SENP8: variants seen among roughly 807,000 people sequenced by gnomAD.
SENP8 encodes SUMO peptidase family member, NEDD8 specific.
Under a neutral mutation model 14.4 loss-of-function variants are expected in SENP8, and 10 were observed. The ratio of observed to expected loss-of-function variants is 0.69; its 90% confidence interval spans 0.43 to 1.18. The LOEUF (loss-of-function observed/expected upper bound fraction) is 1.18, where lower values mean the gene tolerates loss of function less well. Ranked by LOEUF, SENP8 falls within the 50% of genes most tolerant of loss-of-function variation. The probability of loss-of-function intolerance (pLI) is 0.00; values close to 1 mark genes in which losing one functional copy is unlikely to be tolerated. For missense variants in SENP8, 202 were observed against 249.4 expected (o/e 0.81, Z 1.28); for synonymous variants, 94 against 95.5 (o/e 0.98, Z 0.09).
intron 1 of SENP8, among the ~76,000 whole-genome samples, chr15:72,132,229 C>G (rs2081279696): frequency 6.6e-6 from 1 of 152,112 alleles, no homozygotes; most frequent in Non-Finnish European, 1.5e-5. Flanking sequence ...GTTGACTCAC[C>G]TTTCTTGCCC....
intron 1 of SENP8, among the ~76,000 whole-genome samples, chr15:72,119,391 A>G (rs1363544157): frequency 1.3e-5 from 2 of 152,240 alleles, no homozygotes; most frequent in East Asian, 3.8e-4. Context: ...CTCTAATGCT[A>G]AAGATTGAGA....
At chr15:72,116,555 A>AC (rs1208599177), upstream of SENP8, among the ~76,000 whole-genome samples, 1 of 152,156 alleles carries the variant, frequency 6.6e-6, no homozygotes, top group Non-Finnish European at 1.5e-5. Flanking sequence ...TTATTATTAA[A>AC]CCGACATCGA....
At chr15:72,138,240 GT>G (rs1340605986) in intron 1 of SENP8, among the ~76,000 whole-genome samples, 1 of 151,794 alleles carries the variant, frequency 6.6e-6, no homozygotes, top group African/African-American at 2.4e-5. Flanking sequence ...CTAACTAATC[GT>G]TTACATGTAG....
upstream of SENP8, chr15:72,118,113 G>T: frequency 2.6e-6 from 1 of 386,542 alleles, no homozygotes; most frequent in Non-Finnish European, 4.6e-6. Flanking sequence ...GCCCCGCCCC[G>T]CGCGACTCCC....
upstream of SENP8, among the ~76,000 whole-genome samples, chr15:72,117,501 G>A (rs1336719514): frequency 6.6e-6 from 1 of 152,182 alleles, no homozygotes; most frequent in African/African-American, 2.4e-5. Flanking sequence ...AAGATACAGG[G>A]GGTGGGGTCT....
At chr15:72,133,506 C>A (rs537525202) in intron 1 of SENP8, among the ~76,000 whole-genome samples, 27 of 152,376 alleles carry the variant, frequency 1.8e-4, no homozygotes, top group African/African-American at 5.8e-4. Context: ...CAAGAGCCCA[C>A]TTTTATGCCA....
Position 72,139,892 on chromosome 15 carries a change from TC to T in SENP8, c.270del (p.Asn91MetfsTer42). The T allele has an allele frequency of 1.2e-6, 2 of 1,614,206 alleles. No homozygotes were observed. Among genetic ancestry groups the T allele is most frequent in the South Asian group, 2.2e-5 (2 of 91,084 alleles). ...AACAAGAGAGTTGTATTTTTAGCCA[TC>T]AATGATAACTCCAACCAGGCAGCTG... ...LPNKRVVFLA[I>X]NDNSNQAAGG... On this transcript the variant is annotated frameshift_variant, in exon 2 of 2. Coordinates refer to ENST00000340912, the MANE Select transcript of SENP8 (RefSeq NM_145204.4). LOFTEE classifies it high-confidence loss of function.
chr15:72,135,594 T>C (rs1050257878), intron 1 of SENP8, among the ~76,000 whole-genome samples: 2 of 152,246 alleles, frequency 1.3e-5, no homozygotes, highest in Non-Finnish European at 2.9e-5. Context: ...AGAGTTATTT[T>C]TGGCAAAGGG....
intron 1 of SENP8, chr15:72,134,933 G>C (rs559669008): frequency 3.3e-6 from 1 of 299,216 alleles, no homozygotes; most frequent in African/African-American, 2.3e-5. Context: ...TAAGCACTCT[G>C]AGAACAGAGA....
rs531347833 is a variant in SENP8 at position 72,132,557 on chromosome 15, G to C, written c.-47-7020G>C. ...ATAGATGGCTCTTGGTTTTTTGCTA[G>C]GTCCCCTTCCATCTCCTTTTCTCCC... On this transcript the variant is annotated intron_variant, in intron 1 of 1. Transcript: ENST00000340912. 3.3e-4 allele frequency among the ~76,000 whole-genome samples: 50 copies of C among 151,430 alleles called. No homozygotes were observed. In the South Asian group the frequency reaches 0.01, roughly 31 times the overall value.
At chr15:72,120,478 G>T (rs528694663) in intron 1 of SENP8, among the ~76,000 whole-genome samples, 4 of 152,264 alleles carry the variant, frequency 2.6e-5, no homozygotes, top group African/African-American at 9.6e-5. Flanking sequence ...GAGGAGCCTT[G>T]AATTCCATGG....
At chr15:72,114,382 T>G (rs1008769232), upstream of SENP8, 1 of 152,156 alleles carries the variant, frequency 6.6e-6, no homozygotes, top group South Asian at 2.1e-4. Context: ...TAAAATAAGA[T>G]AGAGGCAACA....
At chr15:72,129,393 G>T (rs527811288) in intron 1 of SENP8, among the ~76,000 whole-genome samples, 2 of 151,162 alleles carry the variant, frequency 1.3e-5, no homozygotes, top group South Asian at 2.1e-4. Flanking sequence ...AGACAGTTTC[G>T]CTGTTGTTGC....
At chr15:72,130,625 G>A (rs1280734938) in intron 1 of SENP8, among the ~76,000 whole-genome samples, 2 of 147,186 alleles carry the variant, frequency 1.4e-5, no homozygotes, top group Non-Finnish European at 1.5e-5. Flanking sequence ...GTGCAATGGC[G>A]TGATCTCGGC....
At chr15:72,138,641 C>T (rs1472546091) in intron 1 of SENP8, among the ~76,000 whole-genome samples, 2 of 151,400 alleles carry the variant, frequency 1.3e-5, no homozygotes. Flanking sequence ...TGAGCCACAG[C>T]ACCCAGCCTA....
intron 1 of SENP8, among the ~76,000 whole-genome samples, chr15:72,135,677 A>G (rs2081321153): frequency 6.6e-6 from 1 of 152,234 alleles, no homozygotes. Context: ...GTCATGCTGT[A>G]TGGAACAGAA....
At chr15:72,115,013 G>GT (rs2080919300), upstream of SENP8, among the ~76,000 whole-genome samples, 1 of 151,996 alleles carries the variant, frequency 6.6e-6, no homozygotes, top group Non-Finnish European at 1.5e-5. Flanking sequence ...TGAGGTACTT[G>GT]TTAAAAAAAA....
upstream of SENP8, chr15:72,118,256 C>T (rs1261611637): frequency 3.1e-6 from 1 of 325,432 alleles, no homozygotes; most frequent in Non-Finnish European, 5.6e-6. Context: ...GCAGACACGC[C>T]CCCTTTCCTA....
At chr15:72,117,537 G>C (rs922403313), upstream of SENP8, 7 of 352,528 alleles carry the variant, frequency 2.0e-5, no homozygotes, top group Admixed American at 1.9e-4. Flanking sequence ...CCGTGATCTG[G>C]TGTTTGGGAG....
Sources: gnomAD v4.1 joint callset for allele counts (sites outside exome capture counted in the v4.1 genomes callset) on GRCh38, gnomAD v4.1.1 for gene constraint, MANE v1.5 for transcripts, NCBI Gene and HGNC (gene_info 2026-07-23, HGNC 2026-07-21) for gene names.